Variants in HYDIN observed in about 807,000 individuals in gnomAD.
HYDIN encodes the protein axonemal central pair apparatus protein HYDIN.
HYDIN carries 132 observed loss-of-function variants against 403.9 expected under a neutral mutation model. The observed-to-expected ratio is 0.33, with a 90% CI of 0.28 to 0.38. HYDIN has a LOEUF of 0.38. Ranked by LOEUF, HYDIN falls within the 10% of genes least tolerant of loss-of-function variation. HYDIN has a pLI of 1.00. For missense variants in HYDIN, 2,827 were observed against 5,009.5 expected, an observed-to-expected ratio of 0.56 and a Z score of 13.15; for synonymous variants, 1,202 against 1,891.7, an observed-to-expected ratio of 0.64 and a Z score of 9.46.
rs112409549 is a variant in HYDIN at position 71,156,412 on chromosome 16, T to C, written c.717-3629A>G. Reference sequence around the variant, plus strand: ...GATTTTGTACTTCATTTTACTAAAATGCAGACAGGCTGAACGGGCTAGAAA... The same window carrying C: ...GATTTTGTACTTCATTTTACTAAAACGCAGACAGGCTGAACGGGCTAGAAA... On this transcript the variant is annotated intron_variant, in intron 6 of 85. Transcript: ENST00000393567. 8.4e-3 allele frequency among the ~76,000 whole-genome samples: 1,280 copies of C among 152,216 alleles called. 12 individuals are homozygous for C. The highest frequency in any genetic ancestry group is 0.029 in the African/African-American group (1,214 of 41,536).
intron 5 of HYDIN, among the ~76,000 whole-genome samples, chr16:71,171,924 G>C (rs1479736406): frequency 6.6e-6 from 1 of 152,174 alleles, no homozygotes; most frequent in Non-Finnish European, 1.5e-5. Context: ...CCCTGTGCCA[G>C]GTACTGGGGC....
chr16:70,829,825 C>T lies in HYDIN; in HGVS notation c.13905G>A (p.Val4635=). 4.3e-6 allele frequency: 7 copies of T among 1,613,910 alleles called. No individual in the cohort carries two copies. The highest frequency in any genetic ancestry group is 5.9e-6 in the Non-Finnish European group (7 of 1,179,836). ...TGGAGCGCACCTGGCACGTGAAATT[C>T]ACTACCTGGAAGAAAGCAGGCACCT... is the stretch of plus-strand genomic sequence containing the variant. ...CVGPPAVKEV[V]NFTCQVRSKH... is the part of the protein sequence containing the mutation. Residue 4635 remains valine, a synonymous_variant, in exon 81 of 86, where the codon GTG becomes GTA. Coordinates refer to ENST00000393567, the MANE Select transcript of HYDIN (RefSeq NM_001270974.2).
At chr16:71,064,925 G>A in intron 15 of HYDIN, 85 bp from the exon 16 acceptor site, 8 of 1,478,054 alleles carry the variant, frequency 5.4e-6, no homozygotes, top group Non-Finnish European at 6.4e-6. Context: ...AGATACATTT[G>A]TCAGTGTCAC....
intron 23 of HYDIN, among the ~76,000 whole-genome samples, chr16:71,011,905 C>CCTT (rs1343910007): frequency 6.6e-6 from 1 of 151,866 alleles, no homozygotes; most frequent in Non-Finnish European, 1.5e-5. Flanking sequence ...ATAACATGTT[C>CCTT]CTTTGCTGCA....
intron 18 of HYDIN, among the ~76,000 whole-genome samples, chr16:71,037,013 A>G (rs1443216248): frequency 6.9e-6 from 1 of 143,954 alleles, no homozygotes; most frequent in Non-Finnish European, 1.5e-5. Flanking sequence ...AGCAGCTGAT[A>G]GAAATAGGGT....
chr16:70,932,810 A>T (rs2077385930), intron 45 of HYDIN, among the ~76,000 whole-genome samples: 1 of 152,240 alleles, frequency 6.6e-6, no homozygotes, highest in African/African-American at 2.4e-5. Context: ...CACCCATCGA[A>T]TCTAGTCAGC....
intron 23 of HYDIN, among the ~76,000 whole-genome samples, chr16:70,994,675 C>T (rs1186887096): frequency 1.3e-5 from 2 of 148,914 alleles, no homozygotes; most frequent in African/African-American, 2.6e-5. Flanking sequence ...CCTTCCCAGG[C>T]AATTCTAATG....
chr16:70,925,181 T>G (rs1184263186), intron 45 of HYDIN, among the ~76,000 whole-genome samples: 1 of 152,050 alleles, frequency 6.6e-6, no homozygotes, highest in Non-Finnish European at 1.5e-5. Flanking sequence ...CTGTTCAATA[T>G]CTTGCCCTTG....
intron 9 of HYDIN, among the ~76,000 whole-genome samples, chr16:71,117,812 A>C (rs2084098499): frequency 6.6e-6 from 1 of 152,088 alleles, no homozygotes; most frequent in African/African-American, 2.4e-5. Flanking sequence ...GAGGGAGAAA[A>C]TAAAAATCTA....
intron 16 of HYDIN, among the ~76,000 whole-genome samples, chr16:71,063,858 A>G (rs1682272267): frequency 6.6e-6 from 1 of 151,682 alleles, no homozygotes; most frequent in South Asian, 2.1e-4. Flanking sequence ...TTTCCATTAG[A>G]AAAATACAAT....
chr16:70,950,754 C>G (rs1481767252), intron 41 of HYDIN, among the ~76,000 whole-genome samples: 5 of 151,842 alleles, frequency 3.3e-5, no homozygotes, highest in African/African-American at 1.2e-4. Context: ...CGAGATCCAC[C>G]CTTAACCCTT....
chr16:71,069,559 C>T, intron 13 of HYDIN, 57 bp from the exon 14 acceptor site: 6 of 1,207,298 alleles, frequency 5.0e-6, no homozygotes, highest in Non-Finnish European at 5.9e-6. Context: ...TCCCTTGACC[C>T]TCAATCTCCC....
intron 19 of HYDIN, 53 bp downstream of exon 19, chr16:71,031,626 G>C (rs767896664): frequency 1.0e-5 from 16 of 1,551,390 alleles, no homozygotes; most frequent in Non-Finnish European, 1.3e-5. Flanking sequence ...GTGATGCTCA[G>C]CATATGTAAC....
chr16:71,020,535 G>A (rs547565337), intron 21 of HYDIN, among the ~76,000 whole-genome samples: 2 of 152,236 alleles, frequency 1.3e-5, no homozygotes, highest in South Asian at 4.2e-4. Context: ...GAGGCCGGGT[G>A]CAGAGGCTCA....
chr16:71,134,426 G>A (rs1257403959), intron 8 of HYDIN, among the ~76,000 whole-genome samples: 3 of 152,258 alleles, frequency 2.0e-5, no homozygotes, highest in Non-Finnish European at 4.4e-5. Flanking sequence ...AAGAGAGTGA[G>A]ACATCAAGAG....
chr16:71,039,075 C>T (rs1273463024), intron 18 of HYDIN, among the ~76,000 whole-genome samples: 3 of 151,160 alleles, frequency 2.0e-5, no homozygotes, highest in African/African-American at 2.4e-5. Flanking sequence ...GAGCTTTACA[C>T]GGGAGGCAAT....
intron 75 of HYDIN, among the ~76,000 whole-genome samples, chr16:70,842,750 T>C (rs1299562273): frequency 6.6e-6 from 1 of 152,104 alleles, no homozygotes; most frequent in Non-Finnish European, 1.5e-5. Context: ...TAAAATTTTA[T>C]GTCTTTTTTC....
intron 13 of HYDIN, among the ~76,000 whole-genome samples, chr16:71,070,703 T>C (rs530064458): frequency 3.0e-5 from 4 of 132,630 alleles, no homozygotes; most frequent in South Asian, 2.7e-4. Flanking sequence ...GAATAATCTA[T>C]AGACACAGGA....
At position 70,920,905 on chromosome 16, in the gene HYDIN, G is replaced by A. The variant is rs777158819; in HGVS notation, c.7471C>T (p.Pro2491Ser). 6.2e-7 allele frequency: 1 copy of A among 1,613,574 alleles called. No homozygotes were observed. Among genetic ancestry groups the A allele is most frequent in the Non-Finnish European group, 8.5e-7 (1 of 1,179,728 alleles). The stretch of plus-strand genomic sequence containing the variant: ...TGGCGCTGGTCGTCGGGCTCATGGG[G>A]CGCTTCCTCCATCCCTGCAGGAGGC... ...QLPPAGMEEA[P>S]HEPDDQRQVP... The change falls in exon 46 of 86, where the codon CCC (proline) becomes TCC (serine). Residue 2491 changes from proline to serine, a missense_variant. Transcript: ENST00000393567.
Sources: gnomAD v4.1 joint callset for allele counts (sites outside exome capture counted in the v4.1 genomes callset) on GRCh38, gnomAD v4.1.1 for gene constraint, MANE v1.5 for transcripts, NCBI Gene and HGNC (gene_info 2026-07-23, HGNC 2026-07-21) for gene names.